Variants in CNTN5 observed in about 807,000 individuals in gnomAD.
CNTN5 encodes the protein contactin-5.
A neutral mutation model predicts 129.1 loss-of-function variants in CNTN5; 77 were observed. The ratio of observed to expected loss-of-function variants is 0.60; its 90% CI spans 0.50 to 0.72. The LOEUF is 0.72. CNTN5 is among the 30% of genes least tolerant of loss of function. CNTN5 has a pLI of 0.00. For synonymous variants in CNTN5, 509 were observed against 465.6 expected, an observed-to-expected ratio of 1.09 and a Z score of -1.20; for missense variants, 1,478 against 1,328.8, an observed-to-expected ratio of 1.11 and a Z score of -1.75.
At chr11:99,056,387 GCT>G (rs1419236606) in intron 1 of CNTN5, among the ~76,000 whole-genome samples, 1 of 151,814 alleles carries the variant, frequency 6.6e-6, no homozygotes, top group African/African-American at 2.4e-5. Context: ...TTAGAACCAT[GCT>G]CCAAAAAACT....
At chr11:99,894,456 A>C (rs1949146392) in intron 6 of CNTN5, among the ~76,000 whole-genome samples, 1 of 148,270 alleles carries the variant, frequency 6.7e-6, no homozygotes, top group Non-Finnish European at 1.5e-5. Context: ...ACCACCTGCA[A>C]AAATCTAACT....
rs557553893 is a variant in CNTN5, at chr11:99,785,696, A to G, written c.56-33848A>G. Reference sequence around the variant, plus strand: ...CCCTGGGTTACAAGACTGGTTCAACATATACAAATCAATAAACATAATCTA... The same window carrying G: ...CCCTGGGTTACAAGACTGGTTCAACGTATACAAATCAATAAACATAATCTA... On this transcript the variant is annotated intron_variant, in intron 3 of 24. Coordinates refer to ENST00000524871, the MANE Select transcript of CNTN5 (RefSeq NM_014361.4). Among the ~76,000 whole-genome samples, 7 of 152,292 alleles carry G rather than the reference A, an allele frequency of 4.6e-5. No individual in the cohort carries two copies. In the South Asian group the frequency reaches 1.2e-3, roughly 27 times the overall value.
At chr11:99,095,441 A>T (rs1195514463) in intron 1 of CNTN5, among the ~76,000 whole-genome samples, 1 of 151,996 alleles carries the variant, frequency 6.6e-6, no homozygotes, top group Non-Finnish European at 1.5e-5. Flanking sequence ...ACAAATCATT[A>T]TAAATATATA....
chr11:99,839,485 C>A (rs1565590134), intron 4 of CNTN5, among the ~76,000 whole-genome samples: 2 of 152,010 alleles, frequency 1.3e-5, no homozygotes, highest in East Asian at 1.9e-4. Context: ...GGGAAGGAGG[C>A]AAGAGATTGA....
intron 15 of CNTN5, among the ~76,000 whole-genome samples, chr11:100,207,215 C>T (rs973863877): frequency 5.9e-5 from 9 of 152,062 alleles, no homozygotes; most frequent in African/African-American, 1.9e-4. Flanking sequence ...GAAATAAACT[C>T]GAGGAGAAAT....
chr11:100,324,136 C>A (rs1233812507), intron 21 of CNTN5, among the ~76,000 whole-genome samples: 2 of 152,090 alleles, frequency 1.3e-5, no homozygotes, highest in Non-Finnish European at 2.9e-5. Context: ...GACTGCAACC[C>A]AGGAGTATAG....
At chr11:99,074,585 C>T (rs2135260715) in intron 1 of CNTN5, among the ~76,000 whole-genome samples, 1 of 152,260 alleles carries the variant, frequency 6.6e-6, no homozygotes, top group Middle Eastern at 3.4e-3. Flanking sequence ...CTCAAGTAAA[C>T]TTCAGCCTCC....
chr11:99,819,530 T>G lies in CNTN5; in HGVS notation c.56-14T>G. The G allele has an allele frequency of 1.9e-6, 3 of 1,584,516 alleles. No individual in the cohort carries two copies. Among genetic ancestry groups the G allele is most frequent in the Non-Finnish European group, 2.6e-6 (3 of 1,158,440 alleles). ...CCTCAAAATTCAGATTTTATTATAT[T>G]TTTTCTCTTACAGAGTATTCAAAAT... On this transcript the variant is annotated splice_polypyrimidine_tract_variant and intron_variant, in intron 3 of 24. Coordinates refer to ENST00000524871, the MANE Select transcript of CNTN5 (RefSeq NM_014361.4).
At chr11:99,410,718 T>C (rs780645447) in intron 2 of CNTN5, among the ~76,000 whole-genome samples, 2 of 152,230 alleles carry the variant, frequency 1.3e-5, no homozygotes, top group African/African-American at 4.8e-5. Flanking sequence ...AAACATGGCA[T>C]GAATAATGTG....
At chr11:100,351,649 A>T (rs1862242140) in intron 24 of CNTN5, among the ~76,000 whole-genome samples, 1 of 139,156 alleles carries the variant, frequency 7.2e-6, no homozygotes, top group South Asian at 2.5e-4. Context: ...ACCATTTCGT[A>T]GAGATAGTAA....
At chr11:100,064,208 A>C (rs1943602603) in intron 10 of CNTN5, among the ~76,000 whole-genome samples, 1 of 152,226 alleles carries the variant, frequency 6.6e-6, no homozygotes, top group Admixed American at 6.5e-5. Flanking sequence ...TACTGAAAAC[A>C]ATGGTAGCAC....
chr11:99,337,499 G>A (rs561443040), intron 2 of CNTN5, among the ~76,000 whole-genome samples: 2 of 152,182 alleles, frequency 1.3e-5, no homozygotes, highest in African/African-American at 2.4e-5. Context: ...GCAGGAACAC[G>A]CCCTTAAGAC....
At chr11:99,135,412 C>T (rs894054226) in intron 1 of CNTN5, among the ~76,000 whole-genome samples, 1 of 152,016 alleles carries the variant, frequency 6.6e-6, no homozygotes, top group African/African-American at 2.4e-5. Flanking sequence ...AAGGGCATTC[C>T]AGTCAGAAGA....
At chr11:99,760,882 C>T (rs893341289) in intron 3 of CNTN5, among the ~76,000 whole-genome samples, 12 of 152,046 alleles carry the variant, frequency 7.9e-5, no homozygotes, top group African/African-American at 2.9e-4. Flanking sequence ...AACTTGGCAA[C>T]AGACACCTGA....
chr11:99,447,343 C>T (rs1009872238), intron 2 of CNTN5, among the ~76,000 whole-genome samples: 2 of 152,108 alleles, frequency 1.3e-5, no homozygotes, highest in African/African-American at 4.8e-5. Context: ...ATTTATTAAG[C>T]ACTTCTTGCC....
At chr11:100,106,172 T>G in intron 13 of CNTN5, among the ~76,000 whole-genome samples, 1 of 152,022 alleles carries the variant, frequency 6.6e-6, no homozygotes, top group Admixed American at 6.5e-5. Flanking sequence ...AAAAGGGAAG[T>G]GACATGGGAG....
At chr11:99,751,726 G>T (rs1944243330) in intron 3 of CNTN5, among the ~76,000 whole-genome samples, 1 of 152,126 alleles carries the variant, frequency 6.6e-6, no homozygotes, top group Admixed American at 6.5e-5. Flanking sequence ...TATAAGCCAA[G>T]TTCAGTTGTC....
intron 2 of CNTN5, among the ~76,000 whole-genome samples, chr11:99,514,807 T>C (rs1001642721): frequency 6.6e-6 from 1 of 152,096 alleles, no homozygotes; most frequent in African/African-American, 2.4e-5. Flanking sequence ...ATTTGCTTTA[T>C]TGCAGTAGTC....
At chr11:100,001,497 C>T (rs527758221) in intron 8 of CNTN5, among the ~76,000 whole-genome samples, 1 of 152,178 alleles carries the variant, frequency 6.6e-6, no homozygotes, top group Non-Finnish European at 1.5e-5. Context: ...TCTTTCATTA[C>T]AGTAATTTGA....
Sources: allele counts gnomAD v4.1 joint callset (sites outside exome capture counted in the v4.1 genomes callset), GRCh38; gene constraint gnomAD v4.1.1; transcripts MANE v1.5; gene names NCBI Gene and HGNC (gene_info 2026-07-23, HGNC 2026-07-21).